Variants in MAP3K20 observed in about 807,000 individuals in gnomAD.
The protein encoded by MAP3K20 is mitogen-activated protein kinase kinase kinase 20, also known as HCCS-4.
A neutral mutation model predicts 85.7 loss-of-function variants in MAP3K20; 40 were observed. The ratio of observed to expected loss-of-function variants is 0.47; its 90% confidence interval spans 0.36 to 0.61. The LOEUF is 0.61. MAP3K20 is among the 20% of genes least tolerant of loss of function. The probability of loss-of-function intolerance (pLI) is 0.00; values close to 1 mark genes in which losing one functional copy is unlikely to be tolerated. For synonymous variants in MAP3K20, 325 were observed against 327.7 expected, an observed-to-expected ratio of 0.99 and a Z score of 0.09; for missense variants, 817 against 961.7, an observed-to-expected ratio of 0.85 and a Z score of 1.99.
intron 2 of MAP3K20, among the ~76,000 whole-genome samples, chr2:173,126,579 C>T (rs1319448316): frequency 6.6e-6 from 1 of 152,114 alleles, no homozygotes; most frequent in Non-Finnish European, 1.5e-5. Flanking sequence ...GGGGTTTCAC[C>T]ATGTTGGCCA....
chr2:173,144,873 T>G (rs1319966290), intron 2 of MAP3K20, among the ~76,000 whole-genome samples: 3 of 152,174 alleles, frequency 2.0e-5, no homozygotes. Context: ...TAAAACAGTA[T>G]AGTATTGGTA....
chr2:173,139,448 A>G (rs1041366769), intron 2 of MAP3K20, among the ~76,000 whole-genome samples: 5 of 152,302 alleles, frequency 3.3e-5, no homozygotes, highest in African/African-American at 9.6e-5. Flanking sequence ...AGTCTATACC[A>G]TATGCTGTCT....
chr2:173,230,547 C>A (rs886314024), intron 12 of MAP3K20, among the ~76,000 whole-genome samples: 5 of 152,164 alleles, frequency 3.3e-5, no homozygotes, highest in African/African-American at 1.2e-4. Flanking sequence ...CAGAGAAGCC[C>A]TATGTTTTTG....
At position 173,229,694 on chromosome 2, in the gene MAP3K20, G is replaced by A; in HGVS notation, c.993G>A (p.Leu331=). 2 of 1,613,858 alleles carry A rather than the reference G, an allele frequency of 1.2e-6. No individual in the cohort carries two copies. The highest frequency in any genetic ancestry group is 1.1e-5 in the South Asian group (1 of 91,040). The change falls in exon 12 of 20, where the codon CTG becomes CTA. Residue 331 remains leucine (L), a synonymous_variant. Transcript: ENST00000375213. Reference sequence around the variant, plus strand: ...CATGCATATTTCCCATGCAGCTGCTGCCTTCCTTTGAGATTGGTGCATGGA... The same window carrying A: ...CATGCATATTTCCCATGCAGCTGCTACCTTCCTTTGAGATTGGTGCATGGA... The part of the protein sequence containing the change: ...KLTEQSNTPL[L]PSFEIGAWTE...
At chr2:173,142,755 G>A (rs751985724) in intron 2 of MAP3K20, among the ~76,000 whole-genome samples, 5 of 152,026 alleles carry the variant, frequency 3.3e-5, no homozygotes, top group Non-Finnish European at 5.9e-5. Context: ...CAAATAGAAC[G>A]AATTTTTAAA....
At chr2:173,235,184 C>A (rs1217867299) in intron 14 of MAP3K20, among the ~76,000 whole-genome samples, 1 of 152,168 alleles carries the variant, frequency 6.6e-6, no homozygotes, top group African/African-American at 2.4e-5. Context: ...GTGCAATGGG[C>A]AGCACAGCAG....
intron 2 of MAP3K20, among the ~76,000 whole-genome samples, chr2:173,155,687 A>G (rs1235172203): frequency 6.6e-6 from 1 of 152,224 alleles, no homozygotes; most frequent in Non-Finnish European, 1.5e-5. Context: ...ATTTTTTTCC[A>G]TACTTAGAGA....
chr2:173,096,181 A>T (rs1043560141), intron 2 of MAP3K20, among the ~76,000 whole-genome samples: 1 of 152,170 alleles, frequency 6.6e-6, no homozygotes, highest in Non-Finnish European at 1.5e-5. Context: ...CCTAGAATTC[A>T]GTATGTGTTT....
chr2:173,217,024 T>C, intron 10 of MAP3K20, 91 bp from the exon 11 acceptor site: 1 of 1,251,822 alleles, frequency 8.0e-7, no homozygotes, highest in Non-Finnish European at 1.0e-6. Flanking sequence ...CCAGCATGTG[T>C]CTTTTACTTT....
chr2:173,152,164 G>T (rs2106228487), intron 2 of MAP3K20, among the ~76,000 whole-genome samples: 1 of 152,280 alleles, frequency 6.6e-6, no homozygotes, highest in South Asian at 2.1e-4. Context: ...GTTCAGCAAT[G>T]ACCTTCTGTG....
At chr2:173,247,893 G>A (rs1164156829) in intron 16 of MAP3K20, among the ~76,000 whole-genome samples, 1 of 152,134 alleles carries the variant, frequency 6.6e-6, no homozygotes, top group Non-Finnish European at 1.5e-5. Context: ...TGGGGCCTAT[G>A]CTCAAGTCCA....
intron 2 of MAP3K20, chr2:173,166,676 A>G (rs1056726653): frequency 1.3e-5 from 2 of 152,220 alleles, no homozygotes; most frequent in African/African-American, 4.8e-5. Context: ...TAAATGGCTT[A>G]TGTTGGTTTT....
chr2:173,224,177 GT>G, intron 11 of MAP3K20: 1 of 907,772 alleles, frequency 1.1e-6, no homozygotes, highest in Non-Finnish European at 1.3e-6. Flanking sequence ...ATGGGTGGGT[GT>G]TGAGGTTTTT....
At chr2:173,155,193 G>A (rs1342394009) in intron 2 of MAP3K20, among the ~76,000 whole-genome samples, 1 of 152,096 alleles carries the variant, frequency 6.6e-6, no homozygotes, top group Non-Finnish European at 1.5e-5. Flanking sequence ...GTGTAAGGTA[G>A]GAGTGCTGAG....
chr2:173,207,700 A>G (rs1410316894), intron 9 of MAP3K20: 1 of 148,924 alleles, frequency 6.7e-6, no homozygotes, highest in Non-Finnish European at 1.5e-5. Context: ...ATGTATGTAG[A>G]TGCTTCACAA....
intron 2 of MAP3K20, among the ~76,000 whole-genome samples, chr2:173,159,346 A>C (rs1245579758): frequency 1.8e-4 from 5 of 27,770 alleles, no homozygotes; most frequent in African/African-American, 4.2e-4. Flanking sequence ...AATGTATTTT[A>C]CTCTTTCTTT....
At chr2:173,203,709 T>TA in intron 8 of MAP3K20, 87 bp from the exon 9 acceptor site, 1 of 1,024,034 alleles carries the variant, frequency 9.8e-7, no homozygotes, top group East Asian at 2.4e-5. Flanking sequence ...AAAATAACTC[T>TA]ATTATGACCC....
intron 3 of MAP3K20, among the ~76,000 whole-genome samples, chr2:173,176,019 T>A (rs1350182347): frequency 1.3e-5 from 2 of 152,202 alleles, no homozygotes; most frequent in Non-Finnish European, 2.9e-5. Context: ...CTACAGAGTG[T>A]TAATGGATGT....
At chr2:173,190,195 T>C (rs1690606775) in intron 5 of MAP3K20, among the ~76,000 whole-genome samples, 2 of 152,152 alleles carry the variant, frequency 1.3e-5, no homozygotes, top group African/African-American at 4.8e-5. Context: ...GTTTTTCAGG[T>C]TTTAGCATAA....
Sources: gnomAD v4.1 joint callset for allele counts (sites outside exome capture counted in the v4.1 genomes callset) on GRCh38, gnomAD v4.1.1 for gene constraint, MANE v1.5 for transcripts, NCBI Gene and HGNC (gene_info 2026-07-23, HGNC 2026-07-21) for gene names.